The following MYOCOS variants were observed in gnomAD, a reference collection of about 807,000 sequenced individuals.
MYOCOS encodes myocilin opposite strand protein.
intron 2 of MYOCOS, among the ~76,000 whole-genome samples, chr1:171,624,273 G>A (rs1365889806): frequency 6.6e-6 from 1 of 151,836 alleles, no homozygotes; most frequent in Non-Finnish European, 1.5e-5. Context: ...GTTTGGTTTT[G>A]TTTTTTTGAG....
upstream of MYOCOS, among the ~76,000 whole-genome samples, chr1:171,617,777 G>A (rs1209180892): frequency 6.6e-6 from 1 of 152,210 alleles, no homozygotes; most frequent in Non-Finnish European, 1.5e-5. Flanking sequence ...GTTCACTGAT[G>A]AGAAAGATCG....
At chr1:171,619,266 C>T (rs941038006), upstream of MYOCOS, among the ~76,000 whole-genome samples, 2 of 152,112 alleles carry the variant, frequency 1.3e-5, no homozygotes, top group African/African-American at 4.8e-5. Context: ...AAGAAATAGA[C>T]TCTTTTATTG....
At chr1:171,617,413 G>A (rs1652470884), upstream of MYOCOS, among the ~76,000 whole-genome samples, 1 of 152,092 alleles carries the variant, frequency 6.6e-6, no homozygotes, top group Non-Finnish European at 1.5e-5. Context: ...CTGCTGTTAT[G>A]AGTATAGGAA....
chr1:171,623,232 G>A (rs757078057), intron 1 of MYOCOS, among the ~76,000 whole-genome samples: 1 of 152,020 alleles, frequency 6.6e-6, no homozygotes, highest in African/African-American at 2.4e-5. Flanking sequence ...CAAAGTAAAA[G>A]GACATCCCAA....
intron 2 of MYOCOS, among the ~76,000 whole-genome samples, chr1:171,617,003 GCAGA>G (rs1161087224): frequency 2.0e-5 from 3 of 152,182 alleles, no homozygotes; most frequent in African/African-American, 7.2e-5. Context: ...TGTCCATTTT[GCAGA>G]CAGACAGCAG....
chr1:171,624,246 G>A (rs1322292155), intron 2 of MYOCOS, among the ~76,000 whole-genome samples: 2 of 152,018 alleles, frequency 1.3e-5, no homozygotes, highest in Non-Finnish European at 2.9e-5. Flanking sequence ...AGTGGGGAGT[G>A]GGGATCACTT....
At chr1:171,615,393 A>G (rs1172105101) in intron 2 of MYOCOS, among the ~76,000 whole-genome samples, 1 of 152,218 alleles carries the variant, frequency 6.6e-6, no homozygotes, top group African/African-American at 2.4e-5. Flanking sequence ...GAGATAAGAC[A>G]AAGATGACTT....
intron 1 of MYOCOS, chr1:171,604,514 A>G (rs949161720): frequency 6.6e-6 from 1 of 152,246 alleles, no homozygotes; most frequent in Admixed American, 6.5e-5. Flanking sequence ...GATGTGTGCT[A>G]TGACTCCTTT....
At chr1:171,605,043 T>C (rs1652218084) in intron 1 of MYOCOS, among the ~76,000 whole-genome samples, 1 of 152,114 alleles carries the variant, frequency 6.6e-6, no homozygotes, top group Non-Finnish European at 1.5e-5. Flanking sequence ...CTTTCTGTGA[T>C]GAACTAAATG....
intron 1 of MYOCOS, among the ~76,000 whole-genome samples, chr1:171,605,737 C>T (rs1652232593): frequency 6.6e-6 from 1 of 151,922 alleles, no homozygotes; most frequent in African/African-American, 2.4e-5. Flanking sequence ...AAAAATTATA[C>T]AATACTATAA....
chr1:171,606,110 G>T (rs544441011), intron 1 of MYOCOS, among the ~76,000 whole-genome samples: 1 of 152,102 alleles, frequency 6.6e-6, no homozygotes. Flanking sequence ...GCACTAAGAG[G>T]ATTTAAAACT....
At chr1:171,615,266 G>A (rs1209984181) in intron 2 of MYOCOS, among the ~76,000 whole-genome samples, 1 of 152,170 alleles carries the variant, frequency 6.6e-6, no homozygotes, top group Non-Finnish European at 1.5e-5. Context: ...ACGGTGAGTT[G>A]GACCAGGATG....
intron 1 of MYOCOS, chr1:171,604,031 A>G (rs1323701860): frequency 6.6e-6 from 1 of 152,184 alleles, no homozygotes; most frequent in South Asian, 2.1e-4. Context: ...TAACCCCGCC[A>G]TCTTACTCCT....
chr1:171,617,951 G>A (rs191170549), upstream of MYOCOS, among the ~76,000 whole-genome samples: 35 of 152,250 alleles, frequency 2.3e-4, no homozygotes, highest in East Asian at 5.6e-3. Flanking sequence ...CAGAGAACAC[G>A]GGCACAAAGG....
intron 1 of MYOCOS, among the ~76,000 whole-genome samples, chr1:171,602,228 C>T (rs1652156820): frequency 1.3e-5 from 2 of 151,378 alleles, no homozygotes; most frequent in Admixed American, 6.6e-5. Flanking sequence ...GTGCGAAAGT[C>T]GTGAAAGAAA....
chr1:171,605,385 A>ACACACC (rs1652223074), intron 1 of MYOCOS, among the ~76,000 whole-genome samples: 1 of 137,220 alleles, frequency 7.3e-6, no homozygotes, highest in African/African-American at 3.2e-5. Flanking sequence ...ACACACACAC[A>ACACACC]CACACACACA....
At chr1:171,621,374 G>GTTTTTT (rs397974158), upstream of MYOCOS, among the ~76,000 whole-genome samples, 15 of 115,142 alleles carry the variant, frequency 1.3e-4, 1 homozygote, top group African/African-American at 2.0e-4. Context: ...TCTATGGTGG[G>GTTTTTT]TTTTTTTTTT....
chr1:171,606,245 G>C (rs1006561913), intron 1 of MYOCOS, among the ~76,000 whole-genome samples: 1 of 152,096 alleles, frequency 6.6e-6, no homozygotes, highest in East Asian at 1.9e-4. Flanking sequence ...TTCAGCACAA[G>C]TGTACTATAT....
upstream of MYOCOS, among the ~76,000 whole-genome samples, chr1:171,620,769 C>CTT (rs201016150): frequency 4.4e-3 from 478 of 108,166 alleles, 4 homozygotes; most frequent in African/African-American, 0.017. Context: ...CTTTCTTTTT[C>CTT]TTTCTTTTTT....
Sources: allele counts gnomAD v4.1 joint callset (sites outside exome capture counted in the v4.1 genomes callset), GRCh38; gene constraint gnomAD v4.1.1; transcripts MANE v1.5; gene names NCBI Gene and HGNC (gene_info 2026-07-23, HGNC 2026-07-21).